Variants in DNAAF10 observed in about 807,000 individuals in gnomAD.
DNAAF10 encodes dynein axonemal assembly factor 10.
In DNAAF10, 28 loss-of-function variants were observed where a neutral mutation model predicts 43.7. The observed-to-expected ratio is 0.64, with a 90% CI of 0.48 to 0.88. The LOEUF (loss-of-function observed/expected upper bound fraction) is 0.88, where lower values mean the gene tolerates loss of function less well. Among genes scored for constraint, DNAAF10 ranks in the 40% least tolerant of loss-of-function variants. DNAAF10 has a pLI of 0.00. For missense variants in DNAAF10, 403 were observed against 439.1 expected (o/e 0.92, Z 0.73); for synonymous variants, 156 against 157.3 (o/e 0.99, Z 0.06).
Position 68,144,708 on chromosome 2 carries a change from C to G in DNAAF10, c.292G>C (p.Glu98Gln). 1.2e-6 allele frequency: 2 copies of G among 1,609,630 alleles called. No individual in the cohort carries two copies. Among genetic ancestry groups the G allele is most frequent in the Non-Finnish European group, 1.7e-6 (2 of 1,179,044 alleles). The change falls in exon 3 of 8, where the codon GAA becomes CAA. Residue 98 changes from glutamate (E) to glutamine (Q), a missense_variant. By Grantham distance (29) the Glu-to-Gln change is conservative. Transcript: ENST00000295121. ...FGGNLHIWNL[E>Q]APEMPVYSVK... ...GAATATACTGGCATCTCTGGAGCTT[C>G]TAAATTCCTAAACAACAAACACAGC...
intron 4 of DNAAF10, 25 bp from the exon 5 acceptor site, chr2:68,138,882 A>G (rs1553397962): frequency 6.5e-7 from 1 of 1,537,800 alleles, no homozygotes; most frequent in Non-Finnish European, 9.0e-7. Context: ...ACAACATTTC[A>G]CATCCTTATA....
chr2:68,152,449 C>A (rs919466526), intron 1 of DNAAF10, among the ~76,000 whole-genome samples: 1 of 152,178 alleles, frequency 6.6e-6, no homozygotes, highest in African/African-American at 2.4e-5. Context: ...CCTCTTTCCT[C>A]AGACATTCAT....
chr2:68,156,997 C>T (rs1157472038), intron 1 of DNAAF10: 1 of 543,448 alleles, frequency 1.8e-6, no homozygotes, highest in East Asian at 3.2e-5. Flanking sequence ...CTCTTCCAAC[C>T]ACACTGCAGG....
chr2:68,146,986 T>C (rs1334706654), intron 2 of DNAAF10, among the ~76,000 whole-genome samples: 3 of 152,170 alleles, frequency 2.0e-5, no homozygotes, highest in Non-Finnish European at 4.4e-5. Context: ...ATTTTGCCCA[T>C]TCAAAAAAAG....
intron 4 of DNAAF10, among the ~76,000 whole-genome samples, chr2:68,140,406 C>T (rs1352941659): frequency 1.3e-5 from 2 of 152,216 alleles, no homozygotes; most frequent in Non-Finnish European, 2.9e-5. Context: ...ATTCACCCCA[C>T]AATCAGCCTG....
chr2:68,133,647 G>A (rs1672971065), intron 7 of DNAAF10, among the ~76,000 whole-genome samples: 1 of 152,080 alleles, frequency 6.6e-6, no homozygotes, highest in South Asian at 2.1e-4. Context: ...TAGTTACTCG[G>A]GAGGCTGAGG....
intron 3 of DNAAF10, among the ~76,000 whole-genome samples, chr2:68,142,777 CA>C (rs11390122): frequency 2.6e-3 from 349 of 136,080 alleles, no homozygotes; most frequent in Middle Eastern, 7.3e-3. Context: ...AAGAAAAGGG[CA>C]AAAAAAAAAA....
rs949507905 is a variant in DNAAF10 at position 68,145,771 on chromosome 2, G to A, written c.285-1056C>T. 4.7e-4 allele frequency among the ~76,000 whole-genome samples: 72 copies of A among 152,258 alleles called. 1 individual carries two copies. The highest frequency in any genetic ancestry group is 2.9e-5 in the Non-Finnish European group (2 of 68,014). ...TACTGGGCAATGAATGGCTTGACTA[G>A]GTGATCCTCACACATTCCTTTTCTT... is the stretch of plus-strand genomic sequence containing the variant. On this transcript the variant is annotated intron_variant, in intron 2 of 7. Coordinates refer to ENST00000295121, the MANE Select transcript of DNAAF10 (RefSeq NM_138458.4).
intron 5 of DNAAF10, 47 bp downstream of exon 5, chr2:68,138,695 A>G (rs1673103752): frequency 1.5e-6 from 2 of 1,373,210 alleles, no homozygotes; most frequent in African/African-American, 2.9e-5. Flanking sequence ...TCAGAGGTGA[A>G]TGGAAACATG....
intron 7 of DNAAF10, among the ~76,000 whole-genome samples, chr2:68,133,072 G>A (rs181873455): frequency 1.3e-5 from 2 of 152,274 alleles, no homozygotes; most frequent in African/African-American, 4.8e-5. Flanking sequence ...AGTCTAACGT[G>A]GGGAGGAGAC....
chr2:68,147,563 T>A lies in DNAAF10; in HGVS notation c.188A>T (p.Glu63Val), dbSNP rs776234593. The change falls in exon 2 of 8, where the codon GAA becomes GTA. Residue 63 changes from glutamate (E) to valine (V), a missense_variant. Transcript: ENST00000295121. ...HGDLKLLREI[E>V]KAKPIKCGTF... The stretch of plus-strand genomic sequence containing the variant: ...TCCACATTTAATAGGTTTGGCCTTT[T>A]CAATCTTCATAGAAGGGAGGAAGAG... 6.2e-7 allele frequency: 1 copy of A among 1,607,998 alleles called. No homozygotes were observed. Among genetic ancestry groups the A allele is most frequent in the Non-Finnish European group, 8.5e-7 (1 of 1,177,026 alleles).
chr2:68,142,359 C>T (rs886468312), intron 3 of DNAAF10, among the ~76,000 whole-genome samples: 13 of 152,108 alleles, frequency 8.5e-5, no homozygotes, highest in African/African-American at 1.2e-4. Flanking sequence ...TGGGTTTAAG[C>T]GATTCTCCGT....
intron 1 of DNAAF10, among the ~76,000 whole-genome samples, chr2:68,153,496 A>G (rs1244311492): frequency 6.6e-6 from 1 of 152,090 alleles, no homozygotes; most frequent in Non-Finnish European, 1.5e-5. Flanking sequence ...ACTCATTAAA[A>G]TCACCTTGCG....
chr2:68,147,153 T>C (rs976749614), intron 2 of DNAAF10, among the ~76,000 whole-genome samples: 1 of 152,162 alleles, frequency 6.6e-6, no homozygotes, highest in Non-Finnish European at 1.5e-5. Context: ...TATACTGTAT[T>C]TTTAAAGTTG....
At position 68,138,768 on chromosome 2, in the gene DNAAF10, G is replaced by A. The variant is rs35021866; in HGVS notation, c.607C>T (p.Arg203Trp). Residue 203 changes from arginine (R) to tryptophan (W), a missense_variant, in exon 5 of 8, where the codon CGG (arginine) becomes TGG (tryptophan). By Grantham distance (101) the Arg-to-Trp change is moderately radical (BLOSUM62 -3). Coordinates refer to ENST00000295121, the MANE Select transcript of DNAAF10 (RefSeq NM_138458.4). ...KLFDLRNMALRWETNIKNGVC... is the reference protein window; with the variant it reads ...KLFDLRNMALWWETNIKNGVC... ...CCATTTTTGATGTTTGTCTCCCACCGTAATGCCATATTTCTGAGATCAAAT... is the reference window on the plus strand; with the variant it reads ...CCATTTTTGATGTTTGTCTCCCACCATAATGCCATATTTCTGAGATCAAAT... 27 of 1,613,582 alleles carry A rather than the reference G, an allele frequency of 1.7e-5. No individual in the cohort carries two copies. The highest frequency in any genetic ancestry group is 8.3e-5 in the Admixed American group (5 of 59,972).
chr2:68,157,481 A>T lies in DNAAF10; in HGVS notation c.-38T>A, dbSNP rs371429451. 1.0e-4 allele frequency: 162 copies of T among 1,614,016 alleles called. 1 individual carries two copies. Among genetic ancestry groups the T allele is most frequent in the Non-Finnish European group, 8.5e-6 (10 of 1,180,014 alleles). On this transcript the variant is annotated 5_prime_UTR_variant, in exon 1 of 8. Transcript: ENST00000295121. ...TTCAGCTACGGCAACCGCCACACCC[A>T]GAGCCCCCAAAAACGGCAACCTGGA... is the stretch of plus-strand genomic sequence containing the variant.
At chr2:68,135,575 G>A (rs1006163673) in intron 6 of DNAAF10, among the ~76,000 whole-genome samples, 1 of 152,176 alleles carries the variant, frequency 6.6e-6, no homozygotes, top group East Asian at 1.9e-4. Flanking sequence ...GAAAGGAGGC[G>A]GGAGGGAATG....
intron 3 of DNAAF10, 42 bp from the exon 4 acceptor site, chr2:68,141,837 A>AT (rs1458838297): frequency 2.0e-6 from 3 of 1,499,140 alleles, no homozygotes; most frequent in African/African-American, 2.8e-5. Flanking sequence ...TCAAAAGTAA[A>AT]TGATTATGTT....
At chr2:68,154,107 A>T (rs923692879) in intron 1 of DNAAF10, among the ~76,000 whole-genome samples, 3 of 152,088 alleles carry the variant, frequency 2.0e-5, no homozygotes, top group African/African-American at 7.2e-5. Flanking sequence ...TTTGGACAGT[A>T]GGCTCTTTAG....
Sources: allele counts gnomAD v4.1 joint callset (sites outside exome capture counted in the v4.1 genomes callset), GRCh38; gene constraint gnomAD v4.1.1; transcripts MANE v1.5; gene names NCBI Gene and HGNC (gene_info 2026-07-23, HGNC 2026-07-21).